The following TBC1D15 variants were observed in gnomAD, a reference collection of about 807,000 sequenced individuals.
TBC1D15 encodes GAP for RAB7.
In TBC1D15, 39 loss-of-function variants were observed where a neutral mutation model predicts 95.4. The ratio of observed to expected loss-of-function variants is 0.41; its 90% CI spans 0.32 to 0.53. The LOEUF is 0.53. TBC1D15 is among the 20% of genes least tolerant of loss of function. The pLI, the probability that TBC1D15 is intolerant of heterozygous loss-of-function variation, is 0.29. For synonymous variants in TBC1D15, 258 were observed against 261.3 expected (o/e 0.99, Z 0.12); for missense variants, 733 against 794.3 (o/e 0.92, Z 0.93).
intron 16 of TBC1D15, among the ~76,000 whole-genome samples, chr12:71,922,209 C>T (rs776585023): frequency 1.2e-4 from 18 of 152,126 alleles, no homozygotes; most frequent in South Asian, 8.3e-4. Context: ...CTCAGCTTCC[C>T]GAGTAGCTAG....
chr12:71,920,085 A>G (rs1868679481), intron 14 of TBC1D15, among the ~76,000 whole-genome samples: 1 of 152,132 alleles, frequency 6.6e-6, no homozygotes, highest in Non-Finnish European at 1.5e-5. Flanking sequence ...TGTGGAAAAT[A>G]TATTATTAGG....
chr12:71,853,039 C>G (rs576618940), intron 1 of TBC1D15, among the ~76,000 whole-genome samples: 1 of 152,324 alleles, frequency 6.6e-6, no homozygotes, highest in South Asian at 2.1e-4. Flanking sequence ...AAAGAAATAT[C>G]TGAGACTGGG....
At chr12:71,883,261 A>G (rs1411984566) in intron 4 of TBC1D15, among the ~76,000 whole-genome samples, 2 of 152,104 alleles carry the variant, frequency 1.3e-5, no homozygotes, top group Non-Finnish European at 2.9e-5. Flanking sequence ...TTGAAATTCT[A>G]GAACTGTTCT....
intron 4 of TBC1D15, among the ~76,000 whole-genome samples, chr12:71,884,530 C>T (rs1247882498): frequency 2.0e-5 from 3 of 152,044 alleles, no homozygotes; most frequent in African/African-American, 4.8e-5. Context: ...ATCCAGTCTG[C>T]CTGCTTGCAA....
At chr12:71,843,112 C>T (rs1185390016) in intron 1 of TBC1D15, among the ~76,000 whole-genome samples, 2 of 152,006 alleles carry the variant, frequency 1.3e-5, no homozygotes, top group African/African-American at 4.8e-5. Flanking sequence ...TGGTGAAACT[C>T]TGTCTTTACT....
chr12:71,878,411 CAG>C (rs148681015), intron 3 of TBC1D15, among the ~76,000 whole-genome samples: 623 of 147,028 alleles, frequency 4.2e-3, no homozygotes, highest in Admixed American at 3.9e-3. Flanking sequence ...AAGTAGAAGT[CAG>C]AGAGAGAGAG....
intron 12 of TBC1D15, among the ~76,000 whole-genome samples, chr12:71,914,595 G>A (rs1013974318): frequency 6.6e-6 from 1 of 151,826 alleles, no homozygotes; most frequent in Admixed American, 6.6e-5. Context: ...AAGCAGAAGG[G>A]GTGAGACTAG....
intron 11 of TBC1D15, chr12:71,908,022 TTAGA>T (rs1210873717): frequency 2.0e-5 from 3 of 152,088 alleles, no homozygotes; most frequent in African/African-American, 4.8e-5. Flanking sequence ...AATACGAAAG[TTAGA>T]TAGGCTGGGT....
chr12:71,879,152 G>A (rs1263349271), intron 3 of TBC1D15, among the ~76,000 whole-genome samples: 2 of 145,138 alleles, frequency 1.4e-5, no homozygotes, highest in Non-Finnish European at 3.0e-5. Context: ...TTTTTTTGGA[G>A]ACGCAGTTTC....
rs138828267 is a variant in TBC1D15 at position 71,858,198 on chromosome 12, G to A, written c.31-13872G>A. Among the ~76,000 whole-genome samples the A allele has an allele frequency of 9.7e-3, 1,482 of 152,002 alleles. 31 individuals carry two copies. Among genetic ancestry groups the A allele is most frequent in the African/African-American group, 0.033 (1,386 of 41,466 alleles). On this transcript the variant is annotated intron_variant, in intron 1 of 16. Coordinates refer to ENST00000485960, the MANE Select transcript of TBC1D15 (RefSeq NM_001146213.3). ...AGCGATTCTCCTGCCTCAGCCTCCT[G>A]AGTAGCTGGAATTACTGGCATGTAC...
chr12:71,850,423 A>G (rs1459229892), intron 1 of TBC1D15: 6 of 253,126 alleles, frequency 2.4e-5, no homozygotes, highest in South Asian at 2.2e-4. Flanking sequence ...CTGCACAGCC[A>G]CAGGCAGTCG....
At chr12:71,895,178 C>T (rs1015935765) in intron 7 of TBC1D15, among the ~76,000 whole-genome samples, 30 of 152,022 alleles carry the variant, frequency 2.0e-4, no homozygotes, top group African/African-American at 7.2e-4. Context: ...CCTATTACCT[C>T]TTAGTTCTGT....
chr12:71,843,033 T>G (rs536508380), intron 1 of TBC1D15, among the ~76,000 whole-genome samples: 2 of 150,824 alleles, frequency 1.3e-5, no homozygotes, highest in Non-Finnish European at 1.5e-5. Context: ...ATGCTTGTAA[T>G]CATCACTTTG....
chr12:71,884,011 C>G (rs1040412773), intron 4 of TBC1D15, among the ~76,000 whole-genome samples: 1 of 152,106 alleles, frequency 6.6e-6, no homozygotes, highest in African/African-American at 2.4e-5. Flanking sequence ...TTTTACATAA[C>G]TATAATTTGG....
intron 10 of TBC1D15, among the ~76,000 whole-genome samples, chr12:71,905,921 A>T (rs2138876258): frequency 6.6e-6 from 1 of 152,050 alleles, no homozygotes; most frequent in African/African-American, 2.4e-5. Flanking sequence ...GACCCATGCT[A>T]GAGTGCAGTG....
At chr12:71,840,219 G>A (rs1884596511) in intron 1 of TBC1D15, among the ~76,000 whole-genome samples, 1 of 152,098 alleles carries the variant, frequency 6.6e-6, no homozygotes, top group Non-Finnish European at 1.5e-5. Context: ...TGTCTTCTTT[G>A]CTACAGTTTG....
At chr12:71,881,893 G>A (rs934164750) in intron 4 of TBC1D15, among the ~76,000 whole-genome samples, 6 of 141,002 alleles carry the variant, frequency 4.3e-5, no homozygotes, top group Non-Finnish European at 6.0e-5. Context: ...ACTGCAGCCT[G>A]GCAACACAGC....
At chr12:71,899,220 G>C (rs1201189902) in intron 10 of TBC1D15, among the ~76,000 whole-genome samples, 1 of 152,088 alleles carries the variant, frequency 6.6e-6, no homozygotes, top group East Asian at 1.9e-4. Flanking sequence ...GTCCTTTTCT[G>C]ATCCTTTCCA....
At chr12:71,857,708 C>A (rs1329090287) in intron 1 of TBC1D15, among the ~76,000 whole-genome samples, 1 of 152,150 alleles carries the variant, frequency 6.6e-6, no homozygotes, top group Non-Finnish European at 1.5e-5. Context: ...TAGAAGCATT[C>A]ATGATCTGCT....
Sources: gnomAD v4.1 joint callset for allele counts (sites outside exome capture counted in the v4.1 genomes callset) on GRCh38, gnomAD v4.1.1 for gene constraint, MANE v1.5 for transcripts, NCBI Gene and HGNC (gene_info 2026-07-23, HGNC 2026-07-21) for gene names.